GRIN2A: variants seen among roughly 807,000 people sequenced by gnomAD.
GRIN2A encodes glutamate receptor ionotropic, NMDA 2A.
GRIN2A carries 22 observed loss-of-function variants against 113.4 expected under a neutral mutation model. The observed-to-expected ratio is 0.19, with a 90% CI of 0.14 to 0.28. The LOEUF is 0.28. GRIN2A is among the 10% of genes least tolerant of loss of function. GRIN2A has a pLI of 1.00. For missense variants in GRIN2A, 1,502 were observed against 1,887.0 expected, an observed-to-expected ratio of 0.80 and a Z score of 3.78; for synonymous variants, 827 against 738.4, an observed-to-expected ratio of 1.12 and a Z score of -1.94.
At chr16:10,158,021 T>C (rs927125194) in intron 2 of GRIN2A, among the ~76,000 whole-genome samples, 2 of 152,160 alleles carry the variant, frequency 1.3e-5, no homozygotes, top group African/African-American at 4.8e-5. Context: ...TATTTATTTT[T>C]TGAGACAGGA....
chr16:10,036,449 CTTTTTTTTTTTTTTTTTTTTT>C (rs369821921), intron 2 of GRIN2A, among the ~76,000 whole-genome samples: 17 of 45,986 alleles, frequency 3.7e-4, no homozygotes, highest in African/African-American at 5.2e-4. Context: ...TTTTTTTTTT[CTTTTTTTTTTTTTTTTTTTTT>C]TTTTTTGAGA....
intron 2 of GRIN2A, among the ~76,000 whole-genome samples, chr16:10,087,853 ATT>A (rs376085870): frequency 9.2e-6 from 1 of 108,448 alleles, no homozygotes; most frequent in African/African-American, 3.6e-5. Flanking sequence ...TGCCCAGCTA[ATT>A]TTTTTTTTTT....
At chr16:10,092,898 C>T (rs575113143) in intron 2 of GRIN2A, among the ~76,000 whole-genome samples, 1 of 150,336 alleles carries the variant, frequency 6.7e-6, no homozygotes, top group African/African-American at 2.5e-5. Flanking sequence ...GAGTGCAATG[C>T]CACAATCTTG....
At chr16:10,085,047 G>T (rs535917467) in intron 2 of GRIN2A, among the ~76,000 whole-genome samples, 1 of 152,286 alleles carries the variant, frequency 6.6e-6, no homozygotes, top group South Asian at 2.1e-4. Flanking sequence ...AGGTACTGTT[G>T]TCATTCCCAT....
At chr16:10,006,673 T>C (rs1182165631) in intron 2 of GRIN2A, among the ~76,000 whole-genome samples, 1 of 152,132 alleles carries the variant, frequency 6.6e-6, no homozygotes, top group African/African-American at 2.4e-5. Flanking sequence ...TACGACAAAT[T>C]ATTGCTGACT....
intron 2 of GRIN2A, among the ~76,000 whole-genome samples, chr16:9,983,038 T>C (rs576731642): frequency 6.6e-4 from 100 of 152,346 alleles, no homozygotes; most frequent in Non-Finnish European, 1.1e-3. Flanking sequence ...GATACTTCAA[T>C]ACATGTATAC....
intron 10 of GRIN2A, among the ~76,000 whole-genome samples, chr16:9,815,801 A>C (rs995075836): frequency 6.6e-5 from 10 of 152,254 alleles, no homozygotes; most frequent in Non-Finnish European, 1.0e-4. Context: ...AAGTCTCAAA[A>C]ATATATTCAC....
chr16:9,818,595 A>G (rs1300594288), intron 10 of GRIN2A, among the ~76,000 whole-genome samples: 1 of 152,162 alleles, frequency 6.6e-6, no homozygotes, highest in African/African-American at 2.4e-5. Context: ...AATAAGAAAA[A>G]GACCAACAAA....
intron 2 of GRIN2A, among the ~76,000 whole-genome samples, chr16:9,959,501 G>C (rs552582572): frequency 6.6e-6 from 1 of 152,206 alleles, no homozygotes; most frequent in Non-Finnish European, 1.5e-5. Flanking sequence ...AGCCTGGTTA[G>C]TATTTAAATA....
In GRIN2A at chr16:10,158,603, G is replaced by T. The variant is rs555971336; in HGVS notation, c.414+21395C>A. ...TTATTCAGCCATGAAAAGGAATAAA[G>T]TACTGATTCATGCTACGACATGGAT... On this transcript the variant is annotated intron_variant, in intron 2 of 12. Coordinates refer to ENST00000330684, the MANE Select transcript of GRIN2A (RefSeq NM_001134407.3). 5.9e-5 allele frequency among the ~76,000 whole-genome samples: 9 copies of T among 152,306 alleles called. No individual in the cohort carries two copies. The East Asian group carries it at 1.5e-3, about 26-fold the overall frequency.
At position 10,025,852 on chromosome 16, in the gene GRIN2A, C is replaced by T. The variant is rs368862874; in HGVS notation, c.415-87301G>A. 4.6e-5 allele frequency among the ~76,000 whole-genome samples: 7 copies of T among 152,212 alleles called. No individual in the cohort carries two copies. In the East Asian group the frequency reaches 1.2e-3, roughly 25 times the overall value. ...GAAATCTTACTGCAAACCCTGGAGG[C>T]CAGACTTTAGACAGGATTGCAATGA... On this transcript the variant is annotated intron_variant, in intron 2 of 12. Transcript: ENST00000330684.
At chr16:10,111,306 C>A in intron 2 of GRIN2A, 1 of 374,972 alleles carries the variant, frequency 2.7e-6, no homozygotes, top group Non-Finnish European at 5.1e-6. Context: ...TTCCCAGGCC[C>A]ACAGCGTCAG....
intron 2 of GRIN2A, among the ~76,000 whole-genome samples, chr16:10,096,078 A>G (rs1271773349): frequency 6.6e-6 from 1 of 152,218 alleles, no homozygotes; most frequent in Non-Finnish European, 1.5e-5. Flanking sequence ...CTAAATGCAT[A>G]TACAGTTTAA....
At chr16:10,137,105 A>C (rs1031858780) in intron 2 of GRIN2A, among the ~76,000 whole-genome samples, 4 of 151,912 alleles carry the variant, frequency 2.6e-5, no homozygotes. Context: ...CAGCACCTTC[A>C]CTCCCCCTGC....
intron 11 of GRIN2A, among the ~76,000 whole-genome samples, chr16:9,795,140 G>A (rs1902897462): frequency 6.6e-6 from 1 of 152,148 alleles, no homozygotes; most frequent in Non-Finnish European, 1.5e-5. Context: ...GACCTACTGG[G>A]CTGCATTCGT....
In GRIN2A at chr16:9,757,083, C is replaced by T. The variant is rs1900376827; in HGVS notation, c.*6066G>A. 4.8e-6 allele frequency: 1 copy of T among 209,308 alleles called. No homozygotes were observed. The highest frequency in any genetic ancestry group is 2.3e-5 in the African/African-American group (1 of 44,178). 13.0% of individuals were successfully genotyped at this position (209,308 alleles called of 1,614,324 possible). A position where few individuals can be genotyped will look rare whatever the true frequency, so the allele number is the denominator to read the frequency against. On this transcript the variant is annotated 3_prime_UTR_variant, in exon 13 of 13. Coordinates refer to ENST00000330684, the MANE Select transcript of GRIN2A (RefSeq NM_001134407.3). ...ATGCTTCGTCTTTTTACATCATGGT[C>T]TATTTTCTAATCCTTTGGGGAATTT...
At chr16:9,982,842 C>T (rs1166182222) in intron 2 of GRIN2A, among the ~76,000 whole-genome samples, 1 of 152,166 alleles carries the variant, frequency 6.6e-6, no homozygotes, top group Non-Finnish European at 1.5e-5. Flanking sequence ...TTGAATCACC[C>T]ACTTTCCCAG....
intron 2 of GRIN2A, among the ~76,000 whole-genome samples, chr16:10,046,207 C>T (rs114220622): frequency 1.6e-3 from 251 of 152,226 alleles, no homozygotes; most frequent in African/African-American, 5.5e-3. Flanking sequence ...AATGTTCTCT[C>T]ACTCTTAAGA....
chr16:9,870,080 C>T (rs373093311), intron 4 of GRIN2A, among the ~76,000 whole-genome samples: 2 of 152,164 alleles, frequency 1.3e-5, no homozygotes, highest in Admixed American at 1.3e-4. Flanking sequence ...TTACGGCTCT[C>T]TATTTTGGAT....
Sources: gnomAD v4.1 joint callset for allele counts (sites outside exome capture counted in the v4.1 genomes callset) on GRCh38, gnomAD v4.1.1 for gene constraint, MANE v1.5 for transcripts, NCBI Gene and HGNC (gene_info 2026-07-23, HGNC 2026-07-21) for gene names.